The following TRIM39 variants were observed in gnomAD, a reference collection of about 807,000 sequenced individuals.
The protein encoded by TRIM39 is E3 ubiquitin-protein ligase TRIM39.
Under a neutral mutation model 53.6 loss-of-function variants are expected in TRIM39, and 5 were observed. The observed-to-expected ratio is 0.09, with a 90% CI of 0.05 to 0.20. The LOEUF is 0.20. Among genes scored for constraint, TRIM39 ranks in the 10% least tolerant of loss-of-function variants. The pLI, the probability that TRIM39 is intolerant of heterozygous loss-of-function variation, is 1.00. For synonymous variants in TRIM39, 196 were observed against 237.6 expected, an observed-to-expected ratio of 0.82 and a Z score of 1.61; for missense variants, 310 against 621.0, an observed-to-expected ratio of 0.50 and a Z score of 5.32.
At chr6:30,337,408 C>A (rs1787000602) in intron 5 of TRIM39, among the ~76,000 whole-genome samples, 2 of 151,374 alleles carry the variant, frequency 1.3e-5, no homozygotes, top group Non-Finnish European at 2.9e-5. Flanking sequence ...TCCATCCCCC[C>A]AAAAAAAACT....
chr6:30,328,194 T>C (rs1785639040), intron 1 of TRIM39, among the ~76,000 whole-genome samples: 1 of 152,212 alleles, frequency 6.6e-6, no homozygotes, highest in Non-Finnish European at 1.5e-5. Flanking sequence ...CCAGGACCTA[T>C]AAGTTGGAGA....
chr6:30,333,426 C>T (rs2394780), intron 4 of TRIM39, among the ~76,000 whole-genome samples: 41,518 of 144,724 alleles, frequency 0.29, 6,247 homozygotes, highest in East Asian at 0.48. Context: ...GGTGCCATCT[C>T]GGCTCACTGC....
At chr6:30,341,578 A>G (rs1025120275) in intron 7 of TRIM39, 134 bp from the exon 8 acceptor site, 1 of 1,351,550 alleles carries the variant, frequency 7.4e-7, no homozygotes, top group African/African-American at 1.5e-5. Flanking sequence ...ATGGATTGAG[A>G]AAGTTAACCA....
intron 5 of TRIM39, chr6:30,336,206 C>G: frequency 1.4e-6 from 1 of 733,014 alleles, no homozygotes; most frequent in Non-Finnish European, 2.4e-6. Flanking sequence ...TAATCTGTTC[C>G]AAAGAAAAGA....
chr6:30,340,161 G>T, intron 6 of TRIM39: 1 of 1,105,460 alleles, frequency 9.0e-7, no homozygotes, highest in Admixed American at 1.9e-5. Context: ...GAATGATAAG[G>T]TAGAATCAGA....
chr6:30,341,573 T>G, intron 7 of TRIM39, 139 bp from the exon 8 acceptor site: 1 of 1,272,388 alleles, frequency 7.9e-7, no homozygotes, highest in Non-Finnish European at 1.1e-6. Context: ...ACACCATGGA[T>G]TGAGAAAGTT....
intron 6 of TRIM39, chr6:30,340,300 C>T: frequency 1.2e-6 from 2 of 1,613,054 alleles, no homozygotes; most frequent in Non-Finnish European, 1.7e-6. Flanking sequence ...CGGAGGCTCA[C>T]TCTCAACGAT....
In TRIM39 at chr6:30,331,420, GAC is replaced by G. The variant is rs536315377; in HGVS notation, c.549+546_549+547del. On this transcript the variant is annotated intron_variant, in intron 4 of 7. Transcript: ENST00000396551. ...AGAGGGATTTAAGAGATGAAGAACA[GAC>G]AGAATATCTTACATCTGGTGAGCTG... is the stretch of plus-strand genomic sequence containing the variant. Among the ~76,000 whole-genome samples, 241 of 152,310 alleles carry G rather than the reference GAC, an allele frequency of 1.6e-3. 2 individuals are homozygous for G. Among genetic ancestry groups the G allele is most frequent in the Admixed American group, 0.012 (176 of 15,302 alleles).
In TRIM39 at chr6:30,335,988, C is replaced by A; in HGVS notation, c.780+13C>A. ...CGAGATGCTTAAGGTTCGACCTTTGCCCCTGCATAGCCCCTCAGGCTGAGT... is the reference window on the plus strand; with the variant it reads ...CGAGATGCTTAAGGTTCGACCTTTGACCCTGCATAGCCCCTCAGGCTGAGT... On this transcript the variant is annotated intron_variant, in intron 5 of 7. Transcript: ENST00000396551. This position sits in a 1 kb window ranked among gnomAD's most constrained non-coding sequence, Gnocchi z 4.7. 2 of 1,612,786 alleles carry A rather than the reference C, an allele frequency of 1.2e-6. No homozygotes were observed. Among genetic ancestry groups the A allele is most frequent in the Non-Finnish European group, 1.7e-6 (2 of 1,179,952 alleles).
At chr6:30,331,285 C>CA (rs369070285) in intron 4 of TRIM39, among the ~76,000 whole-genome samples, 2 of 90,916 alleles carry the variant, frequency 2.2e-5, no homozygotes, top group Middle Eastern at 5.4e-3. Context: ...ACAAAAAAAA[C>CA]AAACAAAAAA....
At chr6:30,332,113 A>G (rs2127392617) in intron 4 of TRIM39, among the ~76,000 whole-genome samples, 1 of 152,350 alleles carries the variant, frequency 6.6e-6, no homozygotes, top group East Asian at 1.9e-4. Flanking sequence ...GCTTACACAG[A>G]AGGAAATGGA....
chr6:30,329,760 A>T, exon 3 of TRIM39: 1 of 1,611,742 alleles, frequency 6.2e-7, no homozygotes, highest in Non-Finnish European at 8.5e-7. Context: ...GATGCTACAC[A>T]GGAGTACAAG....
At chr6:30,341,459 C>A in intron 7 of TRIM39, 1 of 715,918 alleles carries the variant, frequency 1.4e-6, no homozygotes, top group Non-Finnish European at 2.6e-6. Flanking sequence ...GAGGACCAGG[C>A]GGGAACCTAG....
Position 30,340,627 on chromosome 6 carries a change from T to C in TRIM39, c.919+7T>C. On this transcript the variant is annotated splice_region_variant and intron_variant, in intron 7 of 7. Transcript: ENST00000396551. The stretch of plus-strand genomic sequence containing the variant: ...ATCCTTAAACAGCTAATTGGTGAGT[T>C]GTTCCCAAAAGGAAACTAGAAGAAA... The C allele has an allele frequency of 6.2e-7, 1 of 1,607,250 alleles. No individual in the cohort carries two copies. The highest frequency in any genetic ancestry group is 8.5e-7 in the Non-Finnish European group (1 of 1,178,482).
chr6:30,332,859 C>G (rs1428826678), intron 4 of TRIM39, among the ~76,000 whole-genome samples: 2 of 152,210 alleles, frequency 1.3e-5, no homozygotes, highest in Non-Finnish European at 2.9e-5. Context: ...CCCTCCTTCT[C>G]CCTCATCAGA....
rs1206129503 is a variant in TRIM39, at chr6:30,326,917, G to GGGGCGA, written c.-235_-230dup. On this transcript the variant is annotated 5_prime_UTR_variant, in exon 1 of 8. Transcript: ENST00000396551. ...GTATTGTGTGTCGCGCCGCGGGGCG[G>GGGGCGA]GGGCGAGGGGAGGAGGAAGGAGGGA... is the stretch of plus-strand genomic sequence containing the variant. 1 of 152,308 alleles carries GGGGCGA rather than the reference G, an allele frequency of 6.6e-6. No individual in the cohort carries two copies. The highest frequency in any genetic ancestry group is 1.5e-5 in the Non-Finnish European group (1 of 68,104). 9.4% of individuals were successfully genotyped at this position (152,308 alleles called of 1,614,324 possible). A position where few individuals can be genotyped will look rare whatever the true frequency, so the allele number is the denominator to read the frequency against.
At chr6:30,334,935 T>C (rs929391806) in intron 4 of TRIM39, among the ~76,000 whole-genome samples, 1 of 152,134 alleles carries the variant, frequency 6.6e-6, no homozygotes, top group African/African-American at 2.4e-5. Context: ...TCTCACTATG[T>C]TTCCTAGGTT....
In TRIM39 at chr6:30,336,084, TC is replaced by T. The variant is rs781176700; in HGVS notation, c.780+111del. 1.4e-5 allele frequency: 21 copies of T among 1,482,332 alleles called. No homozygotes were observed. The East Asian group carries it at 4.4e-4, about 31-fold the overall frequency. The allele number at this position is 1,482,332 out of a possible 1,614,324, so 91.8% of individuals were successfully genotyped here. A position where few individuals can be genotyped will look rare whatever the true frequency, so the allele number is the denominator to read the frequency against. On this transcript the variant is annotated intron_variant, in intron 5 of 7. Coordinates refer to ENST00000396551, the Ensembl canonical transcript of TRIM39. ...CATTCTTCTGCTCTCCTTCTCTAAATCCAGTTCTTTCTGCCAGGTGTACTCA... is the reference window on the plus strand; with the variant it reads ...CATTCTTCTGCTCTCCTTCTCTAAATCAGTTCTTTCTGCCAGGTGTACTCA...
intron 7 of TRIM39, 86 bp downstream of exon 7, chr6:30,340,706 CTA>C: frequency 7.3e-7 from 1 of 1,376,554 alleles, no homozygotes; most frequent in Non-Finnish European, 9.8e-7. Flanking sequence ...TTCAGTTATC[CTA>C]TGTCTCACTT....
Sources: allele counts gnomAD v4.1 joint callset (sites outside exome capture counted in the v4.1 genomes callset), GRCh38; gene constraint gnomAD v4.1.1; non-coding constraint Gnocchi (gnomAD v3.1); transcripts MANE v1.5; gene names NCBI Gene and HGNC (gene_info 2026-07-23, HGNC 2026-07-21).